EIF4ENIF1: variants seen among roughly 807,000 people sequenced by gnomAD.
The protein encoded by EIF4ENIF1 is eukaryotic translation initiation factor 4E nuclear import factor 1, also known as eukaryotic translation initiation factor 4E transporter.
Under a neutral mutation model 110.5 loss-of-function variants are expected in EIF4ENIF1, and 23 were observed. The ratio of observed to expected loss-of-function variants is 0.21; its 90% CI spans 0.15 to 0.29. EIF4ENIF1 has a LOEUF of 0.29. Among genes scored for constraint, EIF4ENIF1 ranks in the 10% least tolerant of loss-of-function variants. The pLI is 1.00. For missense variants in EIF4ENIF1, 1,031 were observed against 1,221.1 expected, an observed-to-expected ratio of 0.84 and a Z score of 2.32; for synonymous variants, 440 against 437.0, an observed-to-expected ratio of 1.01 and a Z score of -0.09.
chr22:31,437,914 G>A (rs1601542055), downstream of EIF4ENIF1: 1 of 152,328 alleles, frequency 6.6e-6, no homozygotes, highest in East Asian at 1.9e-4. Flanking sequence ...GGGGGAAGGG[G>A]ATTACTAATG....
intron 11 of EIF4ENIF1, among the ~76,000 whole-genome samples, chr22:31,449,887 C>T (rs373026991): frequency 1.3e-5 from 2 of 152,136 alleles, no homozygotes; most frequent in East Asian, 3.9e-4. Flanking sequence ...TGTGCCACCA[C>T]ACCAGGCCAA....
intron 16 of EIF4ENIF1, 149 bp from the exon 17 acceptor site, chr22:31,442,267 T>G (rs1274186691): frequency 1.5e-6 from 1 of 656,914 alleles, no homozygotes; most frequent in Non-Finnish European, 2.6e-6. Flanking sequence ...GGAACCATCG[T>G]TTGCTTCATA....
chr22:31,457,033 T>G lies in EIF4ENIF1; in HGVS notation c.964-1046A>C, dbSNP rs114001155. Reference sequence around the variant, plus strand: ...TGCTTCAAACTTAGTGGTTTCAAGGTTGTAATGAACATTATGAAATTCAAT... The same window carrying G: ...TGCTTCAAACTTAGTGGTTTCAAGGGTGTAATGAACATTATGAAATTCAAT... On this transcript the variant is annotated intron_variant, in intron 7 of 18. Coordinates refer to ENST00000330125, the MANE Select transcript of EIF4ENIF1 (RefSeq NM_019843.4). Among the ~76,000 whole-genome samples the G allele has an allele frequency of 5.9e-3, 900 of 152,266 alleles. 10 individuals are homozygous for G. The highest frequency in any genetic ancestry group is 0.021 in the African/African-American group (861 of 41,542).
At chr22:31,464,531 A>AGG (rs2051105990) in intron 4 of EIF4ENIF1, among the ~76,000 whole-genome samples, 2 of 151,130 alleles carry the variant, frequency 1.3e-5, no homozygotes, top group South Asian at 4.2e-4. Context: ...TACAAAAATT[A>AGG]GCCAGGCATT....
At chr22:31,449,708 T>TA (rs569756240) in intron 11 of EIF4ENIF1, among the ~76,000 whole-genome samples, 177 bp from the exon 12 acceptor site, 146 of 151,270 alleles carry the variant, frequency 9.7e-4, no homozygotes, top group Non-Finnish European at 1.9e-3. Flanking sequence ...ACATATGCTC[T>TA]AAGTTAGTGC....
chr22:31,477,530 C>T (rs2051634916), intron 2 of EIF4ENIF1, among the ~76,000 whole-genome samples: 1 of 152,186 alleles, frequency 6.6e-6, no homozygotes, highest in South Asian at 2.1e-4. Flanking sequence ...TTCTCATTTT[C>T]ACTTCCGTAT....
Position 31,440,064 on chromosome 22 carries a change from G to T in EIF4ENIF1, c.2774C>A (p.Pro925His), listed in dbSNP as rs760700268. 1 of 1,614,196 alleles carries T rather than the reference G, an allele frequency of 6.2e-7. No individual in the cohort carries two copies. The highest frequency in any genetic ancestry group is 8.5e-7 in the Non-Finnish European group (1 of 1,180,016). The change falls in exon 19 of 19, where the codon CCT becomes CAT. Residue 925 changes from proline (P) to histidine (H), a missense_variant. Transcript: ENST00000330125. ...HAAAVSVQTT[P>H]QNVPSRSGLP... ...GCCTGACCGGCTGGGCACGTTCTGA[G>T]GGGTTGTCTGAACGCTGACAGCTGC... is the stretch of plus-strand genomic sequence containing the variant.
chr22:31,486,331 G>A (rs1220011366), intron 2 of EIF4ENIF1, among the ~76,000 whole-genome samples: 1 of 152,232 alleles, frequency 6.6e-6, no homozygotes, highest in East Asian at 1.9e-4. Flanking sequence ...GGGTGTGGCA[G>A]CGTGCACCTG....
At chr22:31,490,151 G>C (rs1404771595), upstream of EIF4ENIF1, among the ~76,000 whole-genome samples, 1 of 152,352 alleles carries the variant, frequency 6.6e-6, no homozygotes, top group South Asian at 2.1e-4. Flanking sequence ...GCGCGCTGCA[G>C]GGCAGAGCGG....
chr22:31,491,064 A>C (rs6518749), upstream of EIF4ENIF1, among the ~76,000 whole-genome samples: 1 of 152,188 alleles, frequency 6.6e-6, no homozygotes. Flanking sequence ...ACACTTGCAC[A>C]TCAGGCCTGA....
chr22:31,447,345 A>C, intron 14 of EIF4ENIF1, 81 bp downstream of exon 14: 1 of 1,550,892 alleles, frequency 6.4e-7, no homozygotes, highest in Non-Finnish European at 8.8e-7. Context: ...TGTACAACAG[A>C]ATTATACTGC....
In EIF4ENIF1 at chr22:31,454,350, C is replaced by T. The variant is rs750865006; in HGVS notation, c.1306G>A (p.Glu436Lys). The change falls in exon 10 of 19, where the codon GAG (glutamate) becomes AAG (lysine). Residue 436 changes from glutamate (E) to lysine (K), a missense_variant. By Grantham distance (56) the Glu-to-Lys change is moderately conservative. This residue lies in a region of EIF4ENIF1 where 704 missense variants were observed against 879.7 expected (regional missense o/e 0.80). Transcript: ENST00000330125. ...SSHSGVVLSV[E>K]EVEAGLKGLK... ...CCCTTCAGACCTGCTTCTACCTCCT[C>T]CACTGAAAGCACAACCCCTGAATGT... 6.2e-7 allele frequency: 1 copy of T among 1,614,128 alleles called. No homozygotes were observed. Among genetic ancestry groups the T allele is most frequent in the South Asian group, 1.1e-5 (1 of 91,088 alleles).
chr22:31,444,793 T>TAACA, intron 14 of EIF4ENIF1, 103 bp from the exon 15 acceptor site: 1 of 1,058,518 alleles, frequency 9.4e-7, no homozygotes, highest in Admixed American at 1.8e-5. Flanking sequence ...ACATCCCCTT[T>TAACA]CCCTTATCCA....
At chr22:31,442,932 T>TGA in intron 16 of EIF4ENIF1, 30 bp downstream of exon 16, 1 of 1,611,470 alleles carries the variant, frequency 6.2e-7, no homozygotes, top group East Asian at 2.2e-5. Flanking sequence ...CATACTTTCT[T>TGA]GAGCAGTGCC....
Position 31,439,565 on chromosome 22 carries a change from C to G in EIF4ENIF1, c.*315G>C. ...ACAGGTCTGTACATAAGGGTCTATACATTTATTTCCTCAGAACCCTTAGGT... is the reference window on the plus strand; with the variant it reads ...ACAGGTCTGTACATAAGGGTCTATAGATTTATTTCCTCAGAACCCTTAGGT... On this transcript the variant is annotated 3_prime_UTR_variant, in exon 19 of 19. Coordinates refer to ENST00000330125, the MANE Select transcript of EIF4ENIF1 (RefSeq NM_019843.4). 2.8e-6 allele frequency: 1 copy of G among 361,992 alleles called. No homozygotes were observed. The highest frequency in any genetic ancestry group is 3.2e-5 in the South Asian group (1 of 31,568). 22.4% of individuals were successfully genotyped at this position (361,992 alleles called of 1,614,324 possible).
At chr22:31,453,375 AC>A in intron 10 of EIF4ENIF1, 2 of 355,812 alleles carry the variant, frequency 5.6e-6, no homozygotes, top group South Asian at 2.1e-5. Context: ...AACCCATCTT[AC>A]TTTTTTTTTT....
chr22:31,458,715 T>G (rs1183356912), intron 6 of EIF4ENIF1, 65 bp from the exon 7 acceptor site: 2 of 1,432,360 alleles, frequency 1.4e-6, no homozygotes, highest in Non-Finnish European at 1.9e-6. Context: ...CTCTGTGGCT[T>G]CAGCCATCAG....
At chr22:31,487,807 A>AG (rs1346211248) in intron 2 of EIF4ENIF1, among the ~76,000 whole-genome samples, 1 of 151,780 alleles carries the variant, frequency 6.6e-6, no homozygotes, top group Non-Finnish European at 1.5e-5. Context: ...AAAAAAAAAA[A>AG]AAAAAAGAAA....
Position 31,440,046 on chromosome 22 carries a change from C to G in EIF4ENIF1, c.2792G>C (p.Arg931Pro). ...GGAGTGCATGTGGGGCAGGCCTGAC[C>G]GGCTGGGCACGTTCTGAGGGGTTGT... ...VQTTPQNVPS[R>P]SGLPHMHSQL... The change falls in exon 19 of 19, where the codon CGG becomes CCG. Residue 931 changes from arginine to proline, a missense_variant. By Grantham distance (103) the Arg-to-Pro change is moderately radical (BLOSUM62 -2). Around this residue, in one of 3 missense-constraint regions of EIF4ENIF1, gnomAD observed 309 missense variants for 299.1 expected, o/e 1.03. Coordinates refer to ENST00000330125, the MANE Select transcript of EIF4ENIF1 (RefSeq NM_019843.4). The G allele has an allele frequency of 6.2e-7, 1 of 1,613,926 alleles. No individual in the cohort carries two copies. The highest frequency in any genetic ancestry group is 8.5e-7 in the Non-Finnish European group (1 of 1,179,906).
Sources: gnomAD v4.1 joint callset for allele counts (sites outside exome capture counted in the v4.1 genomes callset) on GRCh38, gnomAD v4.1.1 for gene constraint, gnomAD v4.1.1 regional missense constraint, MANE v1.5 for transcripts, NCBI Gene and HGNC (gene_info 2026-07-23, HGNC 2026-07-21) for gene names.